The following CACNA1D variants were observed in gnomAD, a reference collection of about 807,000 sequenced individuals.
CACNA1D encodes calcium voltage-gated channel subunit alpha1 D, also known as voltage-dependent L-type calcium channel subunit alpha-1D.
CACNA1D carries 55 observed loss-of-function variants against 257.1 expected under a neutral mutation model. The observed-to-expected ratio is 0.21, with a 90% CI of 0.17 to 0.27. The LOEUF (loss-of-function observed/expected upper bound fraction) is 0.27, where lower values mean the gene tolerates loss of function less well. Among genes scored for constraint, CACNA1D ranks in the 10% least tolerant of loss-of-function variants. The pLI is 1.00. For synonymous variants in CACNA1D, 980 were observed against 1,014.9 expected (o/e 0.97, Z 0.65); for missense variants, 1,876 against 2,784.0 (o/e 0.67, Z 7.34).
In CACNA1D at chr3:53,741,675, G is replaced by A. The variant is rs550938763; in HGVS notation, c.2811+1336G>A. On this transcript the variant is annotated intron_variant, in intron 21 of 47. Coordinates refer to ENST00000350061, the MANE Select transcript of CACNA1D (RefSeq NM_001128840.3). ...TGAGGCCTCTGTGGGAGGGCCTGTG[G>A]ATGCAGAATGCACAGTGGTGGGGGT... Among the ~76,000 whole-genome samples, 3 of 152,268 alleles carry A rather than the reference G, an allele frequency of 2.0e-5. No homozygotes were observed. The South Asian group carries it at 6.2e-4, about 32-fold the overall frequency.
At chr3:53,710,457 C>G (rs2094740725) in intron 9 of CACNA1D, 1 of 456,634 alleles carries the variant, frequency 2.2e-6, no homozygotes, top group African/African-American at 2.0e-5. Context: ...CTGCTTTCGG[C>G]AACGCAGGGC....
chr3:53,796,403 A>G lies in CACNA1D; in HGVS notation c.4924-3846A>G, dbSNP rs548712006. On this transcript the variant is annotated intron_variant, in intron 40 of 47. Transcript: ENST00000350061. The stretch of plus-strand genomic sequence containing the variant: ...TCTCTTATCTCCACTGCTACAGCGT[A>G]GGTCCAGGGCGGGGCTCTGGGCACT... 34 of 456,206 alleles carry G rather than the reference A, an allele frequency of 7.5e-5. 1 individual carries two copies. The highest frequency in any genetic ancestry group is 2.1e-4 in the East Asian group (3 of 14,386). The allele number at this position is 456,206 out of a possible 1,614,324, so 28.3% of individuals were successfully genotyped here.
intron 15 of CACNA1D, 112 bp from the exon 16 acceptor site, chr3:53,730,330 G>A (rs2094977579): frequency 1.3e-6 from 1 of 745,352 alleles, no homozygotes; most frequent in African/African-American, 1.7e-5. Flanking sequence ...TAACACTTGG[G>A]ACGGTCACTT....
At chr3:53,571,743 C>T (rs540836817) in intron 3 of CACNA1D, among the ~76,000 whole-genome samples, 5 of 152,106 alleles carry the variant, frequency 3.3e-5, no homozygotes, top group East Asian at 1.9e-4. Context: ...TTTAGACCTC[C>T]GCAATTTGTG....
intron 3 of CACNA1D, among the ~76,000 whole-genome samples, chr3:53,546,222 C>T (rs946845518): frequency 6.6e-6 from 1 of 152,198 alleles, no homozygotes; most frequent in African/African-American, 2.4e-5. Context: ...CACTGCTCAA[C>T]TATGAAAAGT....
chr3:53,598,826 G>A (rs2093405373), intron 3 of CACNA1D, among the ~76,000 whole-genome samples: 1 of 152,204 alleles, frequency 6.6e-6, no homozygotes, highest in African/African-American at 2.4e-5. Flanking sequence ...CCATGCCTGG[G>A]TGTTGAGAGA....
chr3:53,656,019 G>A (rs138887915), intron 4 of CACNA1D, among the ~76,000 whole-genome samples: 109 of 152,254 alleles, frequency 7.2e-4, no homozygotes, highest in African/African-American at 2.5e-3. Flanking sequence ...ATCCCAGCAT[G>A]GTTTATTGAA....
chr3:53,560,344 G>A (rs1159478912), intron 3 of CACNA1D, among the ~76,000 whole-genome samples: 4 of 152,062 alleles, frequency 2.6e-5, no homozygotes, highest in Non-Finnish European at 2.9e-5. Flanking sequence ...GGAAAGATAG[G>A]GTGGGAGTTC....
intron 9 of CACNA1D, among the ~76,000 whole-genome samples, chr3:53,708,582 A>G (rs2094716680): frequency 6.6e-6 from 1 of 152,194 alleles, no homozygotes; most frequent in African/African-American, 2.4e-5. Context: ...TCAGCCTCCT[A>G]AGAGCTGATG....
At chr3:53,608,271 A>G (rs921694922) in intron 3 of CACNA1D, among the ~76,000 whole-genome samples, 1 of 152,060 alleles carries the variant, frequency 6.6e-6, no homozygotes, top group Non-Finnish European at 1.5e-5. Context: ...AATGGTATTT[A>G]TTTCAATTTT....
At chr3:53,529,936 C>G (rs956258464) in intron 3 of CACNA1D, among the ~76,000 whole-genome samples, 8 of 152,042 alleles carry the variant, frequency 5.3e-5, no homozygotes, top group African/African-American at 1.9e-4. Flanking sequence ...GTATTTCTTC[C>G]AAGTAAGAGC....
At chr3:53,765,878 T>C (rs1383988424) in intron 30 of CACNA1D, 2 of 152,346 alleles carry the variant, frequency 1.3e-5, no homozygotes, top group Non-Finnish European at 2.9e-5. Flanking sequence ...CATGGACTTA[T>C]CTCCATCACA....
rs185955144 is a variant in CACNA1D, at chr3:53,528,170, T to C, written c.483+26450T>C. Among the ~76,000 whole-genome samples the C allele has an allele frequency of 2.2e-4, 34 of 152,374 alleles. No homozygotes were observed. In the East Asian group the frequency reaches 6.2e-3, roughly 28 times the overall value. On this transcript the variant is annotated intron_variant, in intron 3 of 47. Coordinates refer to ENST00000350061, the MANE Select transcript of CACNA1D (RefSeq NM_001128840.3). Reference sequence around the variant, plus strand: ...TGATGTTAGCTTTTGCATTTAGGTCTGTGGTCCATTTCAAATTAATTTCTT... The same window carrying C: ...TGATGTTAGCTTTTGCATTTAGGTCCGTGGTCCATTTCAAATTAATTTCTT...
At position 53,562,830 on chromosome 3, in the gene CACNA1D, C is replaced by G. The variant is rs117869187; in HGVS notation, c.483+61110C>G. Reference sequence around the variant, plus strand: ...GAAGTTTCTTGTAAGAGATTGTGGACTGTATGAACACATCCCATCCCCACA... The same window carrying G: ...GAAGTTTCTTGTAAGAGATTGTGGAGTGTATGAACACATCCCATCCCCACA... On this transcript the variant is annotated intron_variant, in intron 3 of 47. Transcript: ENST00000350061. 5.7e-4 allele frequency among the ~76,000 whole-genome samples: 87 copies of G among 152,288 alleles called. No homozygotes were observed. The East Asian group carries it at 0.014, about 24-fold the overall frequency.
intron 3 of CACNA1D, among the ~76,000 whole-genome samples, chr3:53,515,085 T>C (rs1300124625): frequency 6.6e-6 from 1 of 152,210 alleles, no homozygotes; most frequent in East Asian, 1.9e-4. Context: ...GCTAGTTTAA[T>C]GGTCAGGATC....
intron 3 of CACNA1D, among the ~76,000 whole-genome samples, chr3:53,626,134 G>C (rs2093755768): frequency 6.6e-6 from 1 of 152,192 alleles, no homozygotes; most frequent in South Asian, 2.1e-4. Flanking sequence ...AATTAAAAGG[G>C]GGACCCCTCA....
intron 44 of CACNA1D, among the ~76,000 whole-genome samples, chr3:53,804,753 A>C (rs1320093041): frequency 6.6e-6 from 1 of 152,184 alleles, no homozygotes; most frequent in African/African-American, 2.4e-5. Flanking sequence ...TTTGCCCTGG[A>C]GCTGAGGGAT....
chr3:53,606,832 A>G lies in CACNA1D; in HGVS notation c.484-43947A>G, dbSNP rs116499016. On this transcript the variant is annotated intron_variant, in intron 3 of 47. Transcript: ENST00000350061. ...CCTATCTAGTCAGTCCTCACCCCCA[A>G]TTCCTGACCCAGGCAAACACTGATC... Among the ~76,000 whole-genome samples the G allele has an allele frequency of 1.4e-3, 220 of 152,300 alleles. 1 individual carries two copies. Among genetic ancestry groups the G allele is most frequent in the African/African-American group, 5.0e-3 (209 of 41,572 alleles).
At chr3:53,773,278 C>T in intron 33 of CACNA1D, 1 of 325,502 alleles carries the variant, frequency 3.1e-6, no homozygotes, top group Non-Finnish European at 5.8e-6. Flanking sequence ...AAGGCTGGTG[C>T]TGAGCCAAGT....
Sources: gnomAD v4.1 joint callset for allele counts (sites outside exome capture counted in the v4.1 genomes callset) on GRCh38, gnomAD v4.1.1 for gene constraint, MANE v1.5 for transcripts, NCBI Gene and HGNC (gene_info 2026-07-23, HGNC 2026-07-21) for gene names.